Variants in ADHFE1 observed in about 807,000 individuals in gnomAD.
The protein encoded by ADHFE1 is hydroxyacid-oxoacid transhydrogenase, mitochondrial.
ADHFE1 carries 37 observed loss-of-function variants against 54.8 expected under a neutral mutation model. The ratio of observed to expected loss-of-function variants is 0.68; its 90% CI spans 0.52 to 0.89. The LOEUF (loss-of-function observed/expected upper bound fraction) is 0.89, where lower values mean the gene tolerates loss of function less well. ADHFE1 is among the 40% of genes least tolerant of loss of function. ADHFE1 has a pLI of 0.00. For missense variants in ADHFE1, 601 were observed against 591.2 expected (o/e 1.02, Z -0.17); for synonymous variants, 203 against 229.3 (o/e 0.89, Z 1.04).
chr8:66,444,470 CACAA>C, intron 4 of ADHFE1, 50 bp downstream of exon 4: 1 of 1,608,382 alleles, frequency 6.2e-7, no homozygotes, highest in East Asian at 2.2e-5. Context: ...TTACATATCT[CACAA>C]GACCATGCTA....
intron 9 of ADHFE1, 61 bp from the exon 10 acceptor site, chr8:66,453,998 C>T (rs1357507703): frequency 1.3e-6 from 2 of 1,595,772 alleles, no homozygotes; most frequent in African/African-American, 1.3e-5. Flanking sequence ...AAGGCAGCTC[C>T]TTATTCTGTA....
At chr8:66,433,053 G>A (rs1402113604) in intron 1 of ADHFE1, among the ~76,000 whole-genome samples, 6 of 152,200 alleles carry the variant, frequency 3.9e-5, no homozygotes, top group African/African-American at 1.2e-4. Context: ...GGGTGTAGAA[G>A]GGAAGGATGG....
chr8:66,444,819 A>G, intron 5 of ADHFE1, 71 bp downstream of exon 5: 1 of 1,583,396 alleles, frequency 6.3e-7, no homozygotes, highest in Non-Finnish European at 8.6e-7. Context: ...ACTTGCCCCC[A>G]ACCAGGCGTG....
rs1805971778 is a variant in ADHFE1 at position 66,445,290 on chromosome 8, C to G, written c.426C>G (p.Thr142=). 1.2e-6 allele frequency: 2 copies of G among 1,613,830 alleles called. No individual in the cohort carries two copies. Among genetic ancestry groups the G allele is most frequent in the South Asian group, 1.1e-5 (1 of 91,070 alleles). Residue 142 remains threonine, a synonymous_variant, in exon 6 of 14, where the codon ACC becomes ACG. Coordinates refer to ENST00000396623, the MANE Select transcript of ADHFE1 (RefSeq NM_144650.3). ...ATGTTGCTGTCGGTGGTGGCTCTAC[C>G]ATGGACACCTGTAAGGCTGCTAATC... ...DAYVAVGGGS[T]MDTCKAANLY...
chr8:66,438,588 G>A, intron 1 of ADHFE1, among the ~76,000 whole-genome samples: 1 of 152,174 alleles, frequency 6.6e-6, no homozygotes, highest in East Asian at 1.9e-4. Context: ...AGACACAGCA[G>A]CCTGATTTCA....
chr8:66,439,161 T>G lies in ADHFE1; in HGVS notation c.60-1001T>G. On this transcript the variant is annotated intron_variant, in intron 1 of 13. Transcript: ENST00000396623. The surrounding 1 kb of genome is among the most constrained non-coding windows in gnomAD (Gnocchi z 4.4). ...GCTTTGACTTCGCAGTTCGAATTTTTGAGATCTGGACGGCCACTGAGATCA... is the reference window on the plus strand; with the variant it reads ...GCTTTGACTTCGCAGTTCGAATTTTGGAGATCTGGACGGCCACTGAGATCA... 5 of 982,392 alleles carry G rather than the reference T, an allele frequency of 5.1e-6. No individual in the cohort carries two copies. The highest frequency in any genetic ancestry group is 6.0e-6 in the Non-Finnish European group (5 of 827,186). The allele number at this position is 982,392 out of a possible 1,614,324, so 60.9% of individuals were successfully genotyped here. A position where few individuals can be genotyped will look rare whatever the true frequency, so the allele number is the denominator to read the frequency against.
chr8:66,462,342 C>T (rs1806944376), intron 13 of ADHFE1, among the ~76,000 whole-genome samples: 1 of 152,148 alleles, frequency 6.6e-6, no homozygotes, highest in African/African-American at 2.4e-5. Context: ...CTTGACCTCC[C>T]AGGCTCAAGT....
intron 9 of ADHFE1, chr8:66,453,722 C>T (rs758098397): frequency 2.2e-6 from 3 of 1,373,802 alleles, no homozygotes; most frequent in Admixed American, 3.8e-5. Context: ...CCGTCAACAG[C>T]ACTGACAAAT....
intron 4 of ADHFE1, 48 bp downstream of exon 4, chr8:66,444,468 C>G (rs1436372587): frequency 6.2e-7 from 1 of 1,608,198 alleles, no homozygotes; most frequent in Non-Finnish European, 8.5e-7. Context: ...TGTTACATAT[C>G]TCACAAGACC....
chr8:66,464,558 A>G (rs1807069151), intron 13 of ADHFE1, among the ~76,000 whole-genome samples: 1 of 152,152 alleles, frequency 6.6e-6, no homozygotes, highest in Non-Finnish European at 1.5e-5. Context: ...TGGATTTCCA[A>G]AATTCCTTAG....
intron 3 of ADHFE1, among the ~76,000 whole-genome samples, chr8:66,443,786 A>C (rs927353497): frequency 8.5e-5 from 13 of 152,166 alleles, no homozygotes; most frequent in African/African-American, 2.9e-4. Context: ...GGTCTTATTA[A>C]ATTTTTTATC....
In ADHFE1 at chr8:66,432,738, A is replaced by C. The variant is rs1479167258; in HGVS notation, c.59+163A>C. ...CCACCGCGCGCCAGGCGGAACAGCG[A>C]GGTCACAGAGTGCGCGATGCAGCCT... On this transcript the variant is annotated intron_variant, in intron 1 of 13. Coordinates refer to ENST00000396623, the MANE Select transcript of ADHFE1 (RefSeq NM_144650.3). 2.4e-6 allele frequency: 3 copies of C among 1,231,858 alleles called. No individual in the cohort carries two copies. In the African/African-American group the frequency reaches 4.7e-5, roughly 19 times the overall value. The allele number at this position is 1,231,858 out of a possible 1,614,324, so 76.3% of individuals were successfully genotyped here.
chr8:66,461,664 A>G (rs1291844202), intron 13 of ADHFE1, among the ~76,000 whole-genome samples: 1 of 151,882 alleles, frequency 6.6e-6, no homozygotes, highest in African/African-American at 2.4e-5. Flanking sequence ...CTGGGTGAGC[A>G]GCTCAGCTGC....
chr8:66,439,171 A>G lies in ADHFE1; in HGVS notation c.60-991A>G, dbSNP rs1805617959. The G allele has an allele frequency of 1.0e-6, 1 of 984,104 alleles. No individual in the cohort carries two copies. Among genetic ancestry groups the G allele is most frequent in the Non-Finnish European group, 1.2e-6 (1 of 828,838 alleles). 61.0% of individuals were successfully genotyped at this position (984,104 alleles called of 1,614,324 possible). On this transcript the variant is annotated intron_variant, in intron 1 of 13. Transcript: ENST00000396623. The surrounding 1 kb of genome is among the most constrained non-coding windows in gnomAD (Gnocchi z 4.4). ...CGCAGTTCGAATTTTTGAGATCTGG[A>G]CGGCCACTGAGATCAACCCTTTTCC...
chr8:66,433,431 C>T (rs1041201362), intron 1 of ADHFE1, among the ~76,000 whole-genome samples: 3 of 152,178 alleles, frequency 2.0e-5, no homozygotes, highest in African/African-American at 7.2e-5. Flanking sequence ...ATACGATGAG[C>T]CCGGCAGTGT....
At chr8:66,437,129 A>C (rs972706823) in intron 1 of ADHFE1, among the ~76,000 whole-genome samples, 3 of 152,152 alleles carry the variant, frequency 2.0e-5, no homozygotes, top group Non-Finnish European at 4.4e-5. Context: ...AGAGAGGTAG[A>C]AGTGGGAGTG....
intron 8 of ADHFE1, among the ~76,000 whole-genome samples, chr8:66,451,135 G>A (rs758903317): frequency 2.0e-5 from 3 of 152,194 alleles, no homozygotes; most frequent in Non-Finnish European, 2.9e-5. Context: ...TGATGTAGAC[G>A]GTGATGTCTG....
At chr8:66,450,077 T>C (rs1327230480) in intron 8 of ADHFE1, among the ~76,000 whole-genome samples, 1 of 152,194 alleles carries the variant, frequency 6.6e-6, no homozygotes, top group Non-Finnish European at 1.5e-5. Context: ...GTGACAGAGT[T>C]AGAACTCACA....
At chr8:66,450,361 A>C (rs952820847) in intron 8 of ADHFE1, among the ~76,000 whole-genome samples, 1 of 152,262 alleles carries the variant, frequency 6.6e-6, no homozygotes, top group Admixed American at 6.5e-5. Context: ...TGGGCTCAGA[A>C]GGCAGGAGAA....
Sources: allele counts gnomAD v4.1 joint callset (sites outside exome capture counted in the v4.1 genomes callset), GRCh38; gene constraint gnomAD v4.1.1; non-coding constraint Gnocchi (gnomAD v3.1); transcripts MANE v1.5; gene names NCBI Gene and HGNC (gene_info 2026-07-23, HGNC 2026-07-21).